CEP126: variants seen among roughly 807,000 people sequenced by gnomAD.
The protein encoded by CEP126 is centrosomal protein of 126 kDa.
CEP126 carries 74 observed loss-of-function variants against 107.8 expected under a neutral mutation model. That is an observed-to-expected ratio of 0.69 (90% CI 0.57 to 0.83). The LOEUF is 0.83. CEP126 is among the 40% of genes least tolerant of loss of function. CEP126 has a pLI of 0.00. For synonymous variants in CEP126, 449 were observed against 446.0 expected (o/e 1.01, Z -0.08); for missense variants, 1,237 against 1,281.9 (o/e 0.96, Z 0.53).
intron 6 of CEP126, among the ~76,000 whole-genome samples, chr11:101,967,672 T>C (rs950971064): frequency 6.6e-6 from 1 of 152,204 alleles, no homozygotes; most frequent in African/African-American, 2.4e-5. Context: ...TTCTCAAACC[T>C]ACATCAATGG....
chr11:101,955,360 A>G (rs1286583085), intron 4 of CEP126, among the ~76,000 whole-genome samples: 1 of 152,264 alleles, frequency 6.6e-6, no homozygotes, highest in African/African-American at 2.4e-5. Flanking sequence ...CTTTAATAAA[A>G]TGATACTGCT....
intron 10 of CEP126, among the ~76,000 whole-genome samples, chr11:101,994,508 T>C (rs1317936286): frequency 6.6e-6 from 1 of 152,190 alleles, no homozygotes; most frequent in Non-Finnish European, 1.5e-5. Flanking sequence ...TTAGGTTTCA[T>C]TTAAGTCTTT....
At chr11:101,971,537 G>A (rs751011561) in intron 6 of CEP126, among the ~76,000 whole-genome samples, 1 of 151,910 alleles carries the variant, frequency 6.6e-6, no homozygotes, top group Admixed American at 6.6e-5. Context: ...GGTTTGGGCG[G>A]GGGGAGGTGT....
rs947097550 is a variant in CEP126, at chr11:101,980,783, G to C, written c.2959-1106G>C. Among the ~76,000 whole-genome samples the C allele has an allele frequency of 3.3e-5, 5 of 152,290 alleles. No individual in the cohort carries two copies. The East Asian group carries it at 5.8e-4, about 18-fold the overall frequency. ...TATGGAGAAAATCTCAAAGAGATAA[G>C]TGAAAGGTAGAAAAAGTACAATTGC... On this transcript the variant is annotated intron_variant, in intron 7 of 10. Transcript: ENST00000263468.
chr11:101,964,320 G>A (rs117725238), intron 6 of CEP126, among the ~76,000 whole-genome samples: 7,256 of 144,324 alleles, frequency 0.05, 481 homozygotes, highest in Admixed American at 0.19. Flanking sequence ...AAAGAAAGAA[G>A]TAACTTACCT....
intron 9 of CEP126, among the ~76,000 whole-genome samples, chr11:101,991,161 A>C (rs1049840431): frequency 5.3e-5 from 8 of 152,242 alleles, no homozygotes; most frequent in Non-Finnish European, 1.2e-4. Context: ...TGGGCAACGG[A>C]GGGAGACCCT....
chr11:101,963,302 T>G lies in CEP126; in HGVS notation c.2267T>G (p.Ile756Arg). 2 of 1,613,798 alleles carry G rather than the reference T, an allele frequency of 1.2e-6. No individual in the cohort carries two copies. Among genetic ancestry groups the G allele is most frequent in the Non-Finnish European group, 1.7e-6 (2 of 1,179,966 alleles). Residue 756 changes from isoleucine (I) to arginine (R), a missense_variant, in exon 6 of 11, where the codon ATA becomes AGA. Coordinates refer to ENST00000263468, the MANE Select transcript of CEP126 (RefSeq NM_020802.4). ...QGKPQRGRAK[I>R]IRKPGSAKVQ... ...AAGCCACAAAGAGGTAGAGCAAAAA[T>G]AATTAGAAAACCAGGATCTGCAAAA...
intron 5 of CEP126, among the ~76,000 whole-genome samples, chr11:101,960,121 G>A (rs1157764594): frequency 1.3e-5 from 2 of 151,980 alleles, no homozygotes; most frequent in Non-Finnish European, 2.9e-5. Context: ...ATTAAAGCCA[G>A]AGGGAAAAAA....
intron 4 of CEP126, among the ~76,000 whole-genome samples, chr11:101,953,460 T>C (rs897570727): frequency 7.2e-5 from 11 of 151,900 alleles, no homozygotes; most frequent in Admixed American, 5.9e-4. Context: ...ATAAGTAAGA[T>C]TACAAAGAAA....
intron 9 of CEP126, among the ~76,000 whole-genome samples, chr11:101,989,915 G>C (rs539672387): frequency 6.6e-6 from 1 of 151,994 alleles, no homozygotes; most frequent in Non-Finnish European, 1.5e-5. Context: ...AGCCGAGATC[G>C]CGCCACTGCA....
chr11:101,963,206 A>C lies in CEP126; in HGVS notation c.2171A>C (p.His724Pro), dbSNP rs1167288428. 6.2e-7 allele frequency: 1 copy of C among 1,614,076 alleles called. No homozygotes were observed. Among genetic ancestry groups the C allele is most frequent in the Non-Finnish European group, 8.5e-7 (1 of 1,180,010 alleles). Residue 724 changes from histidine to proline, a missense_variant, in exon 6 of 11, where the codon CAT (histidine) becomes CCT (proline). Around this residue, in one of 3 missense-constraint regions of CEP126, gnomAD observed 1,134 missense variants for 1,150.5 expected, o/e 0.99. Coordinates refer to ENST00000263468, the MANE Select transcript of CEP126 (RefSeq NM_020802.4). ...FIPSGYNFAK[H>P]AWPASKKEES... ...CCTTCAGGTTATAACTTTGCTAAAC[A>C]TGCCTGGCCAGCCTCAAAAAAAGAA... is the stretch of plus-strand genomic sequence containing the variant.
chr11:101,987,671 A>T (rs1269418326), intron 9 of CEP126, among the ~76,000 whole-genome samples: 2 of 152,104 alleles, frequency 1.3e-5, no homozygotes, highest in East Asian at 1.9e-4. Flanking sequence ...TTTCTAAAAA[A>T]AAAAAAAAGG....
At chr11:101,990,635 G>T (rs1215875370) in intron 9 of CEP126, among the ~76,000 whole-genome samples, 1 of 152,040 alleles carries the variant, frequency 6.6e-6, no homozygotes, top group Non-Finnish European at 1.5e-5. Flanking sequence ...ACTGAGCCTG[G>T]ACCAGGACAA....
chr11:101,930,051 C>CGTT (rs1300431506), intron 2 of CEP126, among the ~76,000 whole-genome samples: 1 of 145,420 alleles, frequency 6.9e-6, no homozygotes, highest in African/African-American at 2.6e-5. Context: ...CTGGGATATA[C>CGTT]GAAACAAAAA....
Position 101,987,054 on chromosome 11 carries a change from G to A in CEP126, c.3244+13G>A. The A allele has an allele frequency of 2.0e-6, 3 of 1,506,864 alleles. No homozygotes were observed. Among genetic ancestry groups the A allele is most frequent in the Non-Finnish European group, 2.8e-6 (3 of 1,088,354 alleles). The allele number at this position is 1,506,864 out of a possible 1,614,324, so 93.3% of individuals were successfully genotyped here. A position where few individuals can be genotyped will look rare whatever the true frequency, so the allele number is the denominator to read the frequency against. ...GAAAGACTACATTGTAAGTATGGAA[G>A]AACACCTTTTATAAGAAATACTGCA... is the stretch of plus-strand genomic sequence containing the variant. On this transcript the variant is annotated intron_variant, in intron 9 of 10. Coordinates refer to ENST00000263468, the MANE Select transcript of CEP126 (RefSeq NM_020802.4).
At chr11:101,943,841 TGTG>T (rs1207164967) in intron 2 of CEP126, among the ~76,000 whole-genome samples, 1 of 152,128 alleles carries the variant, frequency 6.6e-6, no homozygotes, top group Non-Finnish European at 1.5e-5. Flanking sequence ...ATTTTAAACT[TGTG>T]GTCCAAAAGA....
chr11:101,979,648 A>T (rs914753268), intron 7 of CEP126, among the ~76,000 whole-genome samples: 1 of 152,206 alleles, frequency 6.6e-6, no homozygotes, highest in Admixed American at 6.5e-5. Flanking sequence ...AGGTTCCGGG[A>T]GGATGCATGA....
In CEP126 at chr11:101,915,010, G is replaced by A. The variant is rs1381696235; in HGVS notation, c.-275G>A. 11 of 389,428 alleles carry A rather than the reference G, an allele frequency of 2.8e-5. No homozygotes were observed. The highest frequency in any genetic ancestry group is 5.1e-5 in the Non-Finnish European group (11 of 217,068). 24.1% of individuals were successfully genotyped at this position (389,428 alleles called of 1,614,324 possible). ...CTCCCAGGTTTCCGTTGTCAAGGAC[G>A]CGCCGTCGGTTGTTGTCAAGATGGC... On this transcript the variant is annotated 5_prime_UTR_variant, in exon 1 of 11. Transcript: ENST00000263468.
intron 4 of CEP126, among the ~76,000 whole-genome samples, chr11:101,954,415 A>G (rs1940856618): frequency 6.6e-6 from 1 of 152,200 alleles, no homozygotes. Flanking sequence ...TTGAAGTCTT[A>G]GAAGAGTTAA....
Sources: allele counts gnomAD v4.1 joint callset (sites outside exome capture counted in the v4.1 genomes callset), GRCh38; gene constraint gnomAD v4.1.1; regional missense constraint gnomAD v4.1.1; transcripts MANE v1.5; gene names NCBI Gene and HGNC (gene_info 2026-07-23, HGNC 2026-07-21).